FHIT: variants seen among roughly 807,000 people sequenced by gnomAD.
FHIT encodes fragile histidine triad diadenosine triphosphatase, also known as bis(5'-adenosyl)-triphosphatase.
FHIT carries 19 observed loss-of-function variants against 17.9 expected under a neutral mutation model. The observed-to-expected ratio is 1.06, with a 90% CI of 0.74 to 1.56. FHIT has a LOEUF of 1.56. Ranked by LOEUF, FHIT falls within the 40% of genes most tolerant of loss-of-function variation. The pLI is 0.00. For synonymous variants in FHIT, 81 were observed against 69.7 expected, an observed-to-expected ratio of 1.16 and a Z score of -0.81; for missense variants, 248 against 189.2, an observed-to-expected ratio of 1.31 and a Z score of -1.82.
At chr3:60,356,774 A>C (rs919502288) in intron 5 of FHIT, among the ~76,000 whole-genome samples, 1 of 131,202 alleles carries the variant, frequency 7.6e-6, no homozygotes, top group Non-Finnish European at 1.6e-5. Flanking sequence ...AAAAAAAAAA[A>C]AAAAAACGGA....
chr3:60,108,411 T>C (rs977565284), intron 5 of FHIT, among the ~76,000 whole-genome samples: 10 of 152,176 alleles, frequency 6.6e-5, no homozygotes, highest in Admixed American at 2.0e-4. Context: ...CAGGGGTTCA[T>C]TGTCCAGTTT....
At chr3:59,947,335 T>C (rs1706861431) in intron 7 of FHIT, among the ~76,000 whole-genome samples, 1 of 152,170 alleles carries the variant, frequency 6.6e-6, no homozygotes, top group African/African-American at 2.4e-5. Flanking sequence ...AGTTTTTTGG[T>C]ATTTCTGGGG....
intron 4 of FHIT, among the ~76,000 whole-genome samples, chr3:60,635,642 T>C (rs2039565042): frequency 6.6e-6 from 1 of 152,234 alleles, no homozygotes; most frequent in African/African-American, 2.4e-5. Context: ...TGGCTGACTC[T>C]TAGTATTTTC....
At chr3:60,317,390 GGT>G (rs1491250349) in intron 5 of FHIT, among the ~76,000 whole-genome samples, 117 of 151,482 alleles carry the variant, frequency 7.7e-4, no homozygotes, top group African/African-American at 2.7e-3. Flanking sequence ...TTTACCAAAT[GGT>G]CTATTAGAAT....
intron 5 of FHIT, among the ~76,000 whole-genome samples, chr3:60,391,593 C>G (rs964692460): frequency 6.6e-6 from 1 of 152,112 alleles, no homozygotes; most frequent in African/African-American, 2.4e-5. Context: ...TTAACTGTAC[C>G]TTTTCTACGT....
chr3:59,863,161 T>C (rs998420961), intron 8 of FHIT, among the ~76,000 whole-genome samples: 2 of 152,342 alleles, frequency 1.3e-5, no homozygotes, highest in African/African-American at 4.8e-5. Flanking sequence ...GGGTCAATGC[T>C]TGTCTCCATG....
At chr3:60,774,976 C>G (rs1700171849) in intron 4 of FHIT, among the ~76,000 whole-genome samples, 1 of 152,194 alleles carries the variant, frequency 6.6e-6, no homozygotes, top group Non-Finnish European at 1.5e-5. Flanking sequence ...AACTTTGAAA[C>G]AGCAGATAAT....
At chr3:59,955,090 C>G (rs1271261300) in intron 7 of FHIT, among the ~76,000 whole-genome samples, 3 of 152,182 alleles carry the variant, frequency 2.0e-5, no homozygotes, top group Admixed American at 2.0e-4. Context: ...GTCTTCACAA[C>G]TGTAATATAG....
intron 3 of FHIT, among the ~76,000 whole-genome samples, chr3:60,998,608 T>C (rs1205402482): frequency 1.3e-5 from 2 of 152,254 alleles, no homozygotes; most frequent in Middle Eastern, 3.4e-3. Context: ...CATTGTCACA[T>C]ACATTTTTTC....
chr3:60,320,204 G>A (rs1301675329), intron 5 of FHIT, among the ~76,000 whole-genome samples: 1 of 152,154 alleles, frequency 6.6e-6, no homozygotes, highest in Admixed American at 6.5e-5. Context: ...ACAACGTTAA[G>A]CTTCCTCTTC....
intron 5 of FHIT, among the ~76,000 whole-genome samples, chr3:60,347,853 G>C (rs1369096800): frequency 2.0e-5 from 3 of 151,968 alleles, no homozygotes; most frequent in Non-Finnish European, 4.4e-5. Flanking sequence ...CCCCCTCCTG[G>C]GTTCAAGCGA....
At chr3:60,973,185 G>C (rs1575778507) in intron 3 of FHIT, among the ~76,000 whole-genome samples, 1 of 152,096 alleles carries the variant, frequency 6.6e-6, no homozygotes. Context: ...AAGATGATTT[G>C]ATTTTCTTCT....
At chr3:59,788,522 G>A (rs1220822801) in intron 8 of FHIT, among the ~76,000 whole-genome samples, 1 of 152,120 alleles carries the variant, frequency 6.6e-6, no homozygotes, top group Non-Finnish European at 1.5e-5. Context: ...GTGGTTAGGG[G>A]CCAGGCAGGT....
At chr3:60,531,274 C>CTTTT (rs5741620) in intron 5 of FHIT, among the ~76,000 whole-genome samples, 2 of 83,128 alleles carry the variant, frequency 2.4e-5, no homozygotes, top group African/African-American at 4.8e-5. Flanking sequence ...GAAAAGAACT[C>CTTTT]TTTTTTTTTT....
chr3:60,852,356 G>T (rs67917562), intron 3 of FHIT, among the ~76,000 whole-genome samples: 29,121 of 151,982 alleles, frequency 0.19, 3,029 homozygotes, highest in Middle Eastern at 0.28. Flanking sequence ...AGTCACAAGA[G>T]CCAACTTCTC....
At chr3:60,732,002 G>C in intron 4 of FHIT, 1 of 381,384 alleles carries the variant, frequency 2.6e-6, no homozygotes, top group South Asian at 3.1e-5. Flanking sequence ...TCCAGCTAGG[G>C]AACAAGGAAA....
At chr3:60,878,491 C>A (rs192014865) in intron 3 of FHIT, among the ~76,000 whole-genome samples, 1 of 151,896 alleles carries the variant, frequency 6.6e-6, no homozygotes, top group Non-Finnish European at 1.5e-5. Context: ...ACTACCATAC[C>A]CCTTTTTTTT....
chr3:60,665,451 G>A (rs2040358650), intron 4 of FHIT, among the ~76,000 whole-genome samples: 1 of 151,728 alleles, frequency 6.6e-6, no homozygotes, highest in African/African-American at 2.4e-5. Context: ...GTATTTTGAG[G>A]CTCTGTTATT....
rs762498733 is a variant in FHIT, at chr3:61,047,469, A to G, written c.-163-5370T>C. Among the ~76,000 whole-genome samples, 8 of 152,330 alleles carry G rather than the reference A, an allele frequency of 5.3e-5. 1 individual carries two copies. Among genetic ancestry groups the G allele is most frequent in the Middle Eastern group, 3.4e-3 (1 of 294 alleles). ...AAGGAGAACTACAAACCACTGCTCA[A>G]CGAAATAAAAGAGGACACAACCAAA... On this transcript the variant is annotated intron_variant, in intron 2 of 9. Coordinates refer to ENST00000492590, the MANE Select transcript of FHIT (RefSeq NM_002012.4).
Sources: allele counts gnomAD v4.1 joint callset (sites outside exome capture counted in the v4.1 genomes callset), GRCh38; gene constraint gnomAD v4.1.1; transcripts MANE v1.5; gene names NCBI Gene and HGNC (gene_info 2026-07-23, HGNC 2026-07-21).